Variants in SCD5 observed in about 807,000 individuals in gnomAD.
SCD5 encodes the protein stearoyl-CoA desaturase 5, also known as acyl-CoA-desaturase 4.
SCD5 carries 20 observed loss-of-function variants against 30.4 expected under a neutral mutation model. That is an observed-to-expected ratio of 0.66 (90% CI 0.46 to 0.96). The LOEUF is 0.96. Ranked by LOEUF, SCD5 falls within the 40% of genes least tolerant of loss-of-function variation. SCD5 has a pLI of 0.00. For missense variants in SCD5, 381 were observed against 443.3 expected, an observed-to-expected ratio of 0.86 and a Z score of 1.26; for synonymous variants, 173 against 176.4, an observed-to-expected ratio of 0.98 and a Z score of 0.16.
At chr4:82,660,465 T>G in intron 3 of SCD5, 1 of 950,180 alleles carries the variant, frequency 1.1e-6, no homozygotes, top group Non-Finnish European at 1.3e-6. Context: ...TACAGGTTTT[T>G]AGAACCTAAA....
intron 3 of SCD5, among the ~76,000 whole-genome samples, chr4:82,659,251 G>A (rs1727934212): frequency 6.6e-6 from 1 of 151,900 alleles, no homozygotes; most frequent in Non-Finnish European, 1.5e-5. Context: ...CTGGCTAGCA[G>A]TCTATTTTGT....
Position 82,720,441 on chromosome 4 carries a change from T to TACAAAAAAAAAAAA in SCD5, c.233-15029_233-15028insTTTTTTTTTTTTGT, listed in dbSNP as rs778480466. On this transcript the variant is annotated intron_variant, in intron 1 of 4. Transcript: ENST00000319540. ...GATGCTGTCTCAAAAAAGGCAAAAATAAAAAAAAAAAAAAAAAAAAAAGAC... is the reference window on the plus strand; with the variant it reads ...GATGCTGTCTCAAAAAAGGCAAAAATACAAAAAAAAAAAAAAAAAAAAAAAAAAAAAAAAAAGAC... Among the ~76,000 whole-genome samples the TACAAAAAAAAAAAA allele has an allele frequency of 1.7e-3, 132 of 77,810 alleles. 3 individuals are homozygous for TACAAAAAAAAAAAA. Among genetic ancestry groups the TACAAAAAAAAAAAA allele is most frequent in the African/African-American group, 3.6e-3 (67 of 18,676 alleles). 51.0% of individuals were successfully genotyped at this position (77,810 alleles called of 152,430 possible). A position where few individuals can be genotyped will look rare whatever the true frequency, so the allele number is the denominator to read the frequency against.
chr4:82,798,094 G>T (rs1331687783), intron 1 of SCD5, among the ~76,000 whole-genome samples: 1 of 150,906 alleles, frequency 6.6e-6, no homozygotes, highest in Non-Finnish European at 1.5e-5. Flanking sequence ...GGCGGGGGGG[G>T]GGCGGAAGTT....
At chr4:82,631,583 C>T (rs1287885744) in intron 4 of SCD5, 66 bp from the exon 5 acceptor site, 2 of 1,528,570 alleles carry the variant, frequency 1.3e-6, no homozygotes, top group Non-Finnish European at 1.8e-6. Context: ...TTTTGAATCA[C>T]CTATTTTTTC....
intron 3 of SCD5, among the ~76,000 whole-genome samples, chr4:82,662,790 A>G (rs1728043534): frequency 6.7e-6 from 1 of 149,862 alleles, no homozygotes; most frequent in Non-Finnish European, 1.5e-5. Flanking sequence ...AACCTGGGAG[A>G]CGGAGATTGC....
In SCD5 at chr4:82,631,081, A is replaced by G; in HGVS notation, c.*246T>C. ...AGCCGAGACTGCGCCACTGCACTCC[A>G]GCCTGGGTGACAGAGTGAGACTCTG... is the stretch of plus-strand genomic sequence containing the variant. On this transcript the variant is annotated 3_prime_UTR_variant, in exon 5 of 5. Transcript: ENST00000319540. 1 of 342,356 alleles carries G rather than the reference A, an allele frequency of 2.9e-6. No individual in the cohort carries two copies. Among genetic ancestry groups the G allele is most frequent in the South Asian group, 5.0e-5 (1 of 20,072 alleles). 21.2% of individuals were successfully genotyped at this position (342,356 alleles called of 1,614,324 possible).
At chr4:82,743,022 A>G (rs1190576152) in intron 1 of SCD5, among the ~76,000 whole-genome samples, 1 of 152,236 alleles carries the variant, frequency 6.6e-6, no homozygotes, top group Non-Finnish European at 1.5e-5. Flanking sequence ...GAGAGAAGCT[A>G]CAGAGAGGCT....
intron 1 of SCD5, among the ~76,000 whole-genome samples, chr4:82,735,986 C>T (rs76738477): frequency 0.027 from 4,064 of 152,214 alleles, 73 homozygotes; most frequent in South Asian, 0.061. Context: ...TTTTATAACA[C>T]ACAAATTTAT....
At chr4:82,664,309 C>T in intron 3 of SCD5, among the ~76,000 whole-genome samples, 1 of 152,176 alleles carries the variant, frequency 6.6e-6, no homozygotes, top group East Asian at 1.9e-4. Flanking sequence ...CCTCTTCCAC[C>T]CACACATACT....
rs148194208 is a variant in SCD5, at chr4:82,723,335, A to G, written c.233-17922T>C. 6.5e-3 allele frequency among the ~76,000 whole-genome samples: 984 copies of G among 152,244 alleles called. 4 individuals carry two copies. Among genetic ancestry groups the G allele is most frequent in the Middle Eastern group, 0.044 (13 of 294 alleles). On this transcript the variant is annotated intron_variant, in intron 1 of 4. Coordinates refer to ENST00000319540, the MANE Select transcript of SCD5 (RefSeq NM_001037582.3). ...CCGCACCAAGAAGTTCTTTTCACAA[A>G]TCCCTAAATGTCTGATTTCCATTCA...
At chr4:82,709,056 A>G (rs4693493) in intron 1 of SCD5, among the ~76,000 whole-genome samples, 19,958 of 152,182 alleles carry the variant, frequency 0.13, 1,542 homozygotes, top group East Asian at 0.39. Flanking sequence ...CTTGACAGTG[A>G]TAGAGCCAGG....
chr4:82,697,918 G>A (rs2148825706), intron 2 of SCD5: 1 of 442,866 alleles, frequency 2.3e-6, no homozygotes, highest in Non-Finnish European at 4.6e-6. Context: ...AGACGACCAA[G>A]CTATTTGCTC....
At chr4:82,713,800 T>C (rs1488521637) in intron 1 of SCD5, among the ~76,000 whole-genome samples, 1 of 152,216 alleles carries the variant, frequency 6.6e-6, no homozygotes, top group African/African-American at 2.4e-5. Flanking sequence ...CCGATCCATA[T>C]GCGGTCCCTC....
intron 1 of SCD5, among the ~76,000 whole-genome samples, chr4:82,754,723 A>G (rs955149406): frequency 1.3e-5 from 2 of 152,242 alleles, no homozygotes; most frequent in Admixed American, 6.5e-5. Flanking sequence ...GAAGCAATTT[A>G]GAAGAGTGGT....
intron 1 of SCD5, among the ~76,000 whole-genome samples, chr4:82,739,156 T>C (rs1349018622): frequency 2.0e-5 from 3 of 152,222 alleles, no homozygotes; most frequent in African/African-American, 4.8e-5. Context: ...CAAATAGCAC[T>C]AAGTACCTGT....
chr4:82,667,278 A>G (rs978747489), intron 3 of SCD5, among the ~76,000 whole-genome samples: 1 of 144,460 alleles, frequency 6.9e-6, no homozygotes, highest in East Asian at 2.2e-4. Context: ...ATACACACAC[A>G]CACACACACG....
At chr4:82,649,968 G>A (rs1727712546) in intron 3 of SCD5, among the ~76,000 whole-genome samples, 1 of 152,228 alleles carries the variant, frequency 6.6e-6, no homozygotes, top group South Asian at 2.1e-4. Flanking sequence ...CCGGGAGACA[G>A]AACTCCAGGC....
chr4:82,720,441 T>TACAAAAAAAAAAA lies in SCD5; in HGVS notation c.233-15029_233-15028insTTTTTTTTTTTGT, dbSNP rs778480466. ...GATGCTGTCTCAAAAAAGGCAAAAATAAAAAAAAAAAAAAAAAAAAAAGAC... is the reference window on the plus strand; with the variant it reads ...GATGCTGTCTCAAAAAAGGCAAAAATACAAAAAAAAAAAAAAAAAAAAAAAAAAAAAAAAAGAC... On this transcript the variant is annotated intron_variant, in intron 1 of 4. Transcript: ENST00000319540. Among the ~76,000 whole-genome samples the TACAAAAAAAAAAA allele has an allele frequency of 1.8e-3, 143 of 77,682 alleles. 7 individuals carry two copies. Among genetic ancestry groups the TACAAAAAAAAAAA allele is most frequent in the African/African-American group, 3.8e-3 (70 of 18,660 alleles). The allele number at this position is 77,682 out of a possible 152,430, so 51.0% of individuals were successfully genotyped here. A position where few individuals can be genotyped will look rare whatever the true frequency, so the allele number is the denominator to read the frequency against.
At chr4:82,663,980 T>A (rs1423047251) in intron 3 of SCD5, among the ~76,000 whole-genome samples, 1 of 152,168 alleles carries the variant, frequency 6.6e-6, no homozygotes, top group Non-Finnish European at 1.5e-5. Context: ...GAGCGTTGCC[T>A]AAGACTGATA....
Sources: allele counts gnomAD v4.1 joint callset (sites outside exome capture counted in the v4.1 genomes callset), GRCh38; gene constraint gnomAD v4.1.1; transcripts MANE v1.5; gene names NCBI Gene and HGNC (gene_info 2026-07-23, HGNC 2026-07-21).